Variants in NRXN3 observed in about 807,000 individuals in gnomAD.
The protein encoded by NRXN3 is neurexin III.
NRXN3 carries 32 observed loss-of-function variants against 137.6 expected under a neutral mutation model. The observed-to-expected ratio is 0.23, with a 90% confidence interval of 0.18 to 0.31. The LOEUF is 0.31. Ranked by LOEUF, NRXN3 falls within the 10% of genes least tolerant of loss-of-function variation. The pLI is 1.00. For missense variants in NRXN3, 1,574 were observed against 2,062.5 expected, an observed-to-expected ratio of 0.76 and a Z score of 4.59; for synonymous variants, 798 against 784.5, an observed-to-expected ratio of 1.02 and a Z score of -0.29.
At chr14:78,298,843 T>C (rs922264308) in intron 4 of NRXN3, among the ~76,000 whole-genome samples, 1 of 152,218 alleles carries the variant, frequency 6.6e-6, no homozygotes, top group Non-Finnish European at 1.5e-5. Context: ...GATAATTCCA[T>C]ATATTCCTGT....
chr14:79,737,808 T>C (rs2098947385), intron 19 of NRXN3, among the ~76,000 whole-genome samples: 1 of 152,140 alleles, frequency 6.6e-6, no homozygotes. Flanking sequence ...TCCTCCCTGG[T>C]TGGCCTCTCA....
At chr14:79,721,799 T>A (rs1384003512) in intron 19 of NRXN3, among the ~76,000 whole-genome samples, 1 of 152,110 alleles carries the variant, frequency 6.6e-6, no homozygotes, top group African/African-American at 2.4e-5. Flanking sequence ...TTTAGAACTA[T>A]CCCATAACCT....
At chr14:79,772,209 A>G (rs2099080869) in intron 19 of NRXN3, among the ~76,000 whole-genome samples, 1 of 152,098 alleles carries the variant, frequency 6.6e-6, no homozygotes. Flanking sequence ...GCCCAAGGTA[A>G]TTTACAGATT....
chr14:78,842,952 A>G (rs942989324), intron 10 of NRXN3, among the ~76,000 whole-genome samples: 5 of 152,104 alleles, frequency 3.3e-5, no homozygotes, highest in African/African-American at 1.2e-4. Context: ...CCCAGATTTC[A>G]TATTGTTCAA....
At chr14:78,172,686 A>G (rs1204679197) in intron 1 of NRXN3, among the ~76,000 whole-genome samples, 2 of 152,242 alleles carry the variant, frequency 1.3e-5, no homozygotes, top group South Asian at 2.1e-4. Flanking sequence ...GAAGTTCGCT[A>G]TTAAAGTGAG....
intron 10 of NRXN3, among the ~76,000 whole-genome samples, chr14:78,951,633 G>T (rs569089716): frequency 9.2e-5 from 14 of 152,112 alleles, no homozygotes; most frequent in Non-Finnish European, 1.8e-4. Flanking sequence ...TTTGTGTATT[G>T]TCTATCAGAT....
At chr14:79,473,048 A>G (rs1246279486) in intron 16 of NRXN3, among the ~76,000 whole-genome samples, 3 of 152,122 alleles carry the variant, frequency 2.0e-5, no homozygotes, top group Admixed American at 1.3e-4. Context: ...AACAGTGAAA[A>G]TTTATGTGTT....
At chr14:79,852,240 C>CACACAT (rs2099393160) in intron 20 of NRXN3, among the ~76,000 whole-genome samples, 1 of 129,366 alleles carries the variant, frequency 7.7e-6, no homozygotes, top group Non-Finnish European at 1.6e-5. Context: ...TCCCAACACA[C>CACACAT]ACACACACAC....
chr14:79,127,288 C>T (rs1192034597), intron 15 of NRXN3, among the ~76,000 whole-genome samples: 3 of 152,074 alleles, frequency 2.0e-5, no homozygotes, highest in Admixed American at 2.0e-4. Flanking sequence ...AGGTTTTCTT[C>T]TAGGGTTTTT....
chr14:78,266,460 A>G (rs190961065), intron 2 of NRXN3, among the ~76,000 whole-genome samples: 3 of 152,060 alleles, frequency 2.0e-5, no homozygotes, highest in East Asian at 3.9e-4. Flanking sequence ...CACCACGCCC[A>G]GCTAATTTTT....
Position 79,633,084 on chromosome 14 carries a change from T to C in NRXN3, c.3445-30694T>C, listed in dbSNP as rs117362756. The stretch of plus-strand genomic sequence containing the variant: ...AATAGTAATTGGCAGTGTTAGGATT[T>C]AGACTGATTTCTGTGTGATCTGTAG... On this transcript the variant is annotated intron_variant, in intron 16 of 20. Transcript: ENST00000335750. Among the ~76,000 whole-genome samples the C allele has an allele frequency of 4.2e-3, 634 of 152,300 alleles. 2 individuals carry two copies. Among genetic ancestry groups the C allele is most frequent in the Non-Finnish European group, 6.5e-3 (445 of 68,036 alleles).
At chr14:79,720,788 G>A (rs2098841857) in intron 19 of NRXN3, among the ~76,000 whole-genome samples, 1 of 152,066 alleles carries the variant, frequency 6.6e-6, no homozygotes, top group African/African-American at 2.4e-5. Context: ...TCTTCAGAAT[G>A]GTGTTTGCTT....
chr14:79,610,469 CAA>C (rs1487334519), intron 16 of NRXN3, among the ~76,000 whole-genome samples: 3 of 152,154 alleles, frequency 2.0e-5, no homozygotes, highest in Admixed American at 2.0e-4. Flanking sequence ...GAAAGGAAGA[CAA>C]GAGAGAAACT....
At chr14:78,953,967 T>G (rs1428067865) in intron 10 of NRXN3, among the ~76,000 whole-genome samples, 1 of 152,230 alleles carries the variant, frequency 6.6e-6, no homozygotes, top group East Asian at 1.9e-4. Context: ...CATCCTTTAC[T>G]TACGTGAATC....
intron 4 of NRXN3, among the ~76,000 whole-genome samples, chr14:78,618,590 G>A (rs985336409): frequency 2.0e-5 from 3 of 152,198 alleles, no homozygotes; most frequent in African/African-American, 7.2e-5. Flanking sequence ...CACACGCTGA[G>A]CATCAGGGCT....
chr14:78,887,401 A>G (rs1013391893), intron 10 of NRXN3, among the ~76,000 whole-genome samples: 2 of 151,952 alleles, frequency 1.3e-5, no homozygotes. Context: ...AGGGATGTAT[A>G]CAGATCTTTT....
chr14:79,324,477 TACC>T (rs926957385), intron 15 of NRXN3, among the ~76,000 whole-genome samples: 3 of 152,220 alleles, frequency 2.0e-5, no homozygotes, highest in African/African-American at 7.2e-5. Flanking sequence ...TTTAGTTATA[TACC>T]ATGCATTCTG....
At chr14:79,744,582 A>G (rs2098973269) in intron 19 of NRXN3, among the ~76,000 whole-genome samples, 1 of 152,198 alleles carries the variant, frequency 6.6e-6, no homozygotes, top group Non-Finnish European at 1.5e-5. Flanking sequence ...TACTAACATC[A>G]ACGCTTCGCT....
At chr14:78,307,468 G>A (rs1479902808) in intron 4 of NRXN3, among the ~76,000 whole-genome samples, 1 of 152,082 alleles carries the variant, frequency 6.6e-6, no homozygotes, top group Non-Finnish European at 1.5e-5. Context: ...TTAACCTTGT[G>A]AGACACCCAG....
Sources: gnomAD v4.1 joint callset for allele counts (sites outside exome capture counted in the v4.1 genomes callset) on GRCh38, gnomAD v4.1.1 for gene constraint, MANE v1.5 for transcripts, NCBI Gene and HGNC (gene_info 2026-07-23, HGNC 2026-07-21) for gene names.